ATF6: variants seen among roughly 807,000 people sequenced by gnomAD.
ATF6 encodes the protein activating transcription factor 6, also known as cyclic AMP-dependent transcription factor ATF-6 alpha.
In ATF6, 53 loss-of-function variants were observed where a neutral mutation model predicts 83.6. That is an observed-to-expected ratio of 0.63 (90% CI 0.51 to 0.80). The LOEUF (loss-of-function observed/expected upper bound fraction) is 0.80. ATF6 is among the 30% of genes least tolerant of loss of function. ATF6 has a pLI of 0.00. For synonymous variants in ATF6, 288 were observed against 285.8 expected (o/e 1.01, Z -0.08); for missense variants, 744 against 797.9 (o/e 0.93, Z 0.81).
chr1:161,928,223 T>C (rs549173646), intron 15 of ATF6, among the ~76,000 whole-genome samples: 8 of 152,368 alleles, frequency 5.3e-5, no homozygotes, highest in African/African-American at 1.7e-4. Context: ...CTTTTAATAG[T>C]GTCTTTAGCC....
At chr1:161,888,397 TGTG>T (rs1307642669) in intron 14 of ATF6, among the ~76,000 whole-genome samples, 4 of 152,190 alleles carry the variant, frequency 2.6e-5, no homozygotes, top group East Asian at 1.9e-4. Context: ...TTGGGAAAAT[TGTG>T]GTCAATATTT....
intron 14 of ATF6, among the ~76,000 whole-genome samples, chr1:161,890,532 GCTTT>G (rs1437543206): frequency 2.6e-5 from 4 of 152,214 alleles, no homozygotes; most frequent in African/African-American, 4.8e-5. Flanking sequence ...TCTTCACAAT[GCTTT>G]CTTAAACGAC....
At chr1:161,927,636 C>G (rs1304894976) in intron 15 of ATF6, among the ~76,000 whole-genome samples, 2 of 152,214 alleles carry the variant, frequency 1.3e-5, no homozygotes, top group Non-Finnish European at 2.9e-5. Flanking sequence ...AGCTAAATTA[C>G]AACACATTAG....
At chr1:161,807,864 T>C (rs1685332962) in intron 7 of ATF6, among the ~76,000 whole-genome samples, 1 of 88,958 alleles carries the variant, frequency 1.1e-5, no homozygotes, top group East Asian at 5.1e-4. Flanking sequence ...TAGTTTGTCA[T>C]CTTTTTTTTT....
chr1:161,809,339 C>T (rs2101766378), intron 7 of ATF6, among the ~76,000 whole-genome samples: 1 of 152,258 alleles, frequency 6.6e-6, no homozygotes, highest in South Asian at 2.1e-4. Context: ...TGATGGTTTC[C>T]AGCTTCATCC....
At chr1:161,934,136 A>G (rs1046687629) in intron 15 of ATF6, among the ~76,000 whole-genome samples, 1 of 152,210 alleles carries the variant, frequency 6.6e-6, no homozygotes, top group Non-Finnish European at 1.5e-5. Flanking sequence ...TTCAGGTGTG[A>G]ATTGATAATG....
intron 15 of ATF6, among the ~76,000 whole-genome samples, chr1:161,956,637 G>C (rs905653462): frequency 2.0e-5 from 3 of 152,188 alleles, no homozygotes; most frequent in African/African-American, 7.2e-5. Context: ...GCAGCAACCA[G>C]CTGTTCTTCC....
intron 9 of ATF6, among the ~76,000 whole-genome samples, chr1:161,842,991 A>G (rs752591486): frequency 2.0e-5 from 3 of 152,188 alleles, no homozygotes; most frequent in African/African-American, 4.8e-5. Flanking sequence ...TTATTTTACA[A>G]TGATTTGTAT....
At chr1:161,767,339 T>C (rs1356879160) in intron 1 of ATF6, among the ~76,000 whole-genome samples, 2 of 152,242 alleles carry the variant, frequency 1.3e-5, no homozygotes, top group African/African-American at 4.8e-5. Context: ...AACTTTTTAT[T>C]GAACAAAGTC....
intron 6 of ATF6, among the ~76,000 whole-genome samples, chr1:161,793,080 G>A (rs1684922126): frequency 6.6e-6 from 1 of 152,152 alleles, no homozygotes; most frequent in South Asian, 2.1e-4. Context: ...ATGACTAGGC[G>A]ATAATGGGGT....
chr1:161,866,120 A>G (rs750866045), intron 14 of ATF6, among the ~76,000 whole-genome samples: 13 of 152,236 alleles, frequency 8.5e-5, no homozygotes, highest in Non-Finnish European at 1.8e-4. Context: ...TACATTGGAA[A>G]TTCAGAAGAA....
chr1:161,795,620 A>T (rs1275092027), intron 6 of ATF6, among the ~76,000 whole-genome samples: 4 of 152,254 alleles, frequency 2.6e-5, no homozygotes, highest in African/African-American at 9.6e-5. Context: ...TAGTCAAAAA[A>T]ATATATGGCA....
chr1:161,833,256 C>T (rs558790035), intron 9 of ATF6, among the ~76,000 whole-genome samples: 3 of 152,198 alleles, frequency 2.0e-5, no homozygotes, highest in East Asian at 1.9e-4. Context: ...CCCATCTGTA[C>T]GTCACCATCA....
At chr1:161,956,552 A>G (rs1688971112) in intron 15 of ATF6, among the ~76,000 whole-genome samples, 1 of 152,264 alleles carries the variant, frequency 6.6e-6, no homozygotes, top group Non-Finnish European at 1.5e-5. Flanking sequence ...ATTGCAAAGC[A>G]GCCGTACTTG....
At chr1:161,910,688 T>C (rs1687973585) in intron 14 of ATF6, among the ~76,000 whole-genome samples, 1 of 152,206 alleles carries the variant, frequency 6.6e-6, no homozygotes. Flanking sequence ...TTAGAGACCC[T>C]GAAGCAGTAT....
chr1:161,798,864 C>G (rs1228654579), intron 6 of ATF6, among the ~76,000 whole-genome samples: 1 of 152,192 alleles, frequency 6.6e-6, no homozygotes, highest in Non-Finnish European at 1.5e-5. Flanking sequence ...CATCACTAAT[C>G]ATTAGAGAAA....
At chr1:161,848,558 A>G (rs1686536210) in intron 10 of ATF6, among the ~76,000 whole-genome samples, 1 of 152,122 alleles carries the variant, frequency 6.6e-6, no homozygotes, top group Admixed American at 6.6e-5. Context: ...TAGTATGACC[A>G]TATAATGTTC....
At chr1:161,766,472 G>A in intron 1 of ATF6, 30 bp downstream of exon 1, 1 of 1,606,146 alleles carries the variant, frequency 6.2e-7, no homozygotes, top group Admixed American at 1.7e-5. Flanking sequence ...GTACCAGGGT[G>A]GCTCGGGTTC....
intron 15 of ATF6, among the ~76,000 whole-genome samples, chr1:161,915,102 A>C (rs1465292546): frequency 6.6e-6 from 1 of 152,122 alleles, no homozygotes; most frequent in Non-Finnish European, 1.5e-5. Flanking sequence ...CAGCTGATGA[A>C]CTCACCAAAT....
Sources: gnomAD v4.1 joint callset for allele counts (sites outside exome capture counted in the v4.1 genomes callset) on GRCh38, gnomAD v4.1.1 for gene constraint, MANE v1.5 for transcripts, NCBI Gene and HGNC (gene_info 2026-07-23, HGNC 2026-07-21) for gene names.